The following CLNS1A variants were observed in gnomAD, a reference collection of about 807,000 sequenced individuals.
CLNS1A encodes the protein methylosome subunit pICln.
CLNS1A carries 16 observed loss-of-function variants against 29.4 expected under a neutral mutation model. That is an observed-to-expected ratio of 0.54 (90% confidence interval 0.37 to 0.83). The LOEUF is 0.83. Among genes scored for constraint, CLNS1A ranks in the 40% least tolerant of loss-of-function variants. The pLI is 0.00. For missense variants in CLNS1A, 235 were observed against 287.4 expected, an observed-to-expected ratio of 0.82 and a Z score of 1.32; for synonymous variants, 96 against 104.8, an observed-to-expected ratio of 0.92 and a Z score of 0.51.
chr11:77,623,096 T>A (rs974594933), intron 4 of CLNS1A, among the ~76,000 whole-genome samples: 2 of 151,770 alleles, frequency 1.3e-5, no homozygotes, highest in South Asian at 2.1e-4. Flanking sequence ...CTCTCTAGGG[T>A]TATTAAAAGA....
At chr11:77,634,033 G>C (rs528076890) in intron 1 of CLNS1A, among the ~76,000 whole-genome samples, 1 of 151,944 alleles carries the variant, frequency 6.6e-6, no homozygotes, top group South Asian at 2.1e-4. Flanking sequence ...CTCAGGAGGC[G>C]GAGGTTGCGG....
intron 2 of CLNS1A, among the ~76,000 whole-genome samples, chr11:77,626,558 G>A (rs1959021666): frequency 6.6e-6 from 1 of 151,028 alleles, no homozygotes; most frequent in Non-Finnish European, 1.5e-5. Context: ...AGAATCATTT[G>A]AACCTGGGAG....
At chr11:77,625,157 G>A (rs747779974) in intron 3 of CLNS1A, 87 bp from the exon 4 acceptor site, 7 of 866,540 alleles carry the variant, frequency 8.1e-6, no homozygotes, top group Non-Finnish European at 1.1e-5. Context: ...TACACAAAAC[G>A]CCACAGTATT....
At chr11:77,632,818 C>G (rs1211912982) in intron 1 of CLNS1A, among the ~76,000 whole-genome samples, 1 of 152,026 alleles carries the variant, frequency 6.6e-6, no homozygotes, top group Non-Finnish European at 1.5e-5. Flanking sequence ...AGCGTGGTGG[C>G]TCAGGCCTAT....
chr11:77,629,930 T>C (rs1296524979), intron 1 of CLNS1A, 31 bp from the exon 2 acceptor site: 1 of 1,610,906 alleles, frequency 6.2e-7, no homozygotes, highest in East Asian at 2.2e-5. Flanking sequence ...AGATTATTTT[T>C]AGAAAGTAAA....
intron 5 of CLNS1A, among the ~76,000 whole-genome samples, chr11:77,620,926 A>G (rs1344243472): frequency 6.6e-6 from 1 of 152,012 alleles, no homozygotes. Flanking sequence ...AGGTTGAAGT[A>G]AGCCAAGATC....
At chr11:77,637,474 G>T in intron 1 of CLNS1A, 116 bp downstream of exon 1, 1 of 1,357,280 alleles carries the variant, frequency 7.4e-7, no homozygotes, top group Non-Finnish European at 9.8e-7. Flanking sequence ...TCGGGCACGA[G>T]ACCCCGCTCC....
chr11:77,633,136 C>T (rs77342956), intron 1 of CLNS1A, among the ~76,000 whole-genome samples: 1,984 of 149,322 alleles, frequency 0.013, 45 homozygotes, highest in African/African-American at 0.047. Context: ...TTTAATCTGG[C>T]AATTTTAATT....
In CLNS1A at chr11:77,622,613, G is replaced by A. The variant is rs775069705; in HGVS notation, c.533C>T (p.Thr178Ile). 2.8e-5 allele frequency: 45 copies of A among 1,613,530 alleles called. No individual in the cohort carries two copies. The South Asian group carries it at 3.4e-4, about 12-fold the overall frequency. The change falls in exon 5 of 7, where the codon ACA becomes ATA. Residue 178 changes from threonine (T) to isoleucine (I), a missense_variant. Thr to Ile is a moderately conservative substitution (Grantham distance 89, BLOSUM62 -1). Transcript: ENST00000525428. ...YTYEEGLSHL[T>I]AEGQATLERL... is the part of the protein sequence containing the mutation. ...CTCCAGTGTGGCTTGGCCTTCTGCTGTTAGATGGGATAATCCTTCTTCATA... is the reference window on the plus strand; with the variant it reads ...CTCCAGTGTGGCTTGGCCTTCTGCTATTAGATGGGATAATCCTTCTTCATA...
At chr11:77,636,412 A>T (rs973757386) in intron 1 of CLNS1A, among the ~76,000 whole-genome samples, 1 of 152,088 alleles carries the variant, frequency 6.6e-6, no homozygotes, top group Non-Finnish European at 1.5e-5. Flanking sequence ...TCCTGACCAA[A>T]CTCATTATCT....
intron 4 of CLNS1A, among the ~76,000 whole-genome samples, chr11:77,623,352 G>C (rs1010380847): frequency 2.6e-5 from 4 of 152,108 alleles, no homozygotes; most frequent in Admixed American, 6.6e-5. Context: ...CACTTTGAGA[G>C]GCCGAGCTGG....
rs113196538 is a variant in CLNS1A at position 77,635,472 on chromosome 11, C to T, written c.125+2118G>A. The stretch of plus-strand genomic sequence containing the variant: ...GTTCAAGCGATTCTCCTGCCTCAGC[C>T]TCCCAAGTAGCTGGGATTACAGGTG... On this transcript the variant is annotated intron_variant, in intron 1 of 6. Transcript: ENST00000525428. Among the ~76,000 whole-genome samples, 847 of 152,056 alleles carry T rather than the reference C, an allele frequency of 5.6e-3. 8 individuals are homozygous for T. Among genetic ancestry groups the T allele is most frequent in the African/African-American group, 0.02 (811 of 41,472 alleles).
In CLNS1A at chr11:77,637,739, C is replaced by A; in HGVS notation, c.-25G>T. On this transcript the variant is annotated 5_prime_UTR_variant, in exon 1 of 7. Transcript: ENST00000525428. ...TAGCAGCAGAGTGCGGCAACACAGG[C>A]CCTGAGGGAGTTGGAGCACAGCAAT... 1.3e-6 allele frequency: 2 copies of A among 1,548,946 alleles called. No homozygotes were observed. The highest frequency in any genetic ancestry group is 2.4e-5 in the East Asian group (1 of 41,042).
At chr11:77,632,638 AAAAAG>A (rs1397362411) in intron 1 of CLNS1A, among the ~76,000 whole-genome samples, 3 of 152,144 alleles carry the variant, frequency 2.0e-5, no homozygotes, top group African/African-American at 4.8e-5. Context: ...TTTTAAATAA[AAAAAG>A]AAAAGAAACC....
intron 1 of CLNS1A, among the ~76,000 whole-genome samples, chr11:77,637,304 A>T (rs1474380723): frequency 1.1e-4 from 16 of 143,024 alleles, no homozygotes; most frequent in Non-Finnish European, 2.0e-4. Context: ...AAAGAAAGAG[A>T]GAAAGAGACA....
At chr11:77,628,078 C>T (rs1959039407) in intron 2 of CLNS1A, among the ~76,000 whole-genome samples, 1 of 152,216 alleles carries the variant, frequency 6.6e-6, no homozygotes, top group South Asian at 2.1e-4. Context: ...CCCCCCTTGG[C>T]CTCCCAAAGT....
At chr11:77,631,394 C>T (rs1021079169) in intron 1 of CLNS1A, among the ~76,000 whole-genome samples, 12 of 149,772 alleles carry the variant, frequency 8.0e-5, no homozygotes, top group African/African-American at 2.5e-4. Context: ...GATCTCGGCT[C>T]GCTGCAAGCT....
chr11:77,628,999 C>T (rs1222578587), intron 2 of CLNS1A, among the ~76,000 whole-genome samples: 3 of 152,136 alleles, frequency 2.0e-5, no homozygotes, highest in African/African-American at 4.8e-5. Flanking sequence ...CAAAATGTCA[C>T]TGCCAAATGT....
At chr11:77,619,427 G>A in intron 6 of CLNS1A, 179 bp downstream of exon 6, 2 of 560,728 alleles carry the variant, frequency 3.6e-6, no homozygotes. Flanking sequence ...AGCTATTTGG[G>A]AGGGTGAGGC....
Sources: allele counts gnomAD v4.1 joint callset (sites outside exome capture counted in the v4.1 genomes callset), GRCh38; gene constraint gnomAD v4.1.1; transcripts MANE v1.5; gene names NCBI Gene and HGNC (gene_info 2026-07-23, HGNC 2026-07-21).